Variants in PBX1 observed in about 807,000 individuals in gnomAD.
The protein encoded by PBX1 is PBX homeobox 1.
Under a neutral mutation model 53.4 loss-of-function variants are expected in PBX1, and 6 were observed. The ratio of observed to expected loss-of-function variants is 0.11; its 90% CI spans 0.06 to 0.22. The LOEUF (loss-of-function observed/expected upper bound fraction) is 0.22. Ranked by LOEUF, PBX1 falls within the 10% of genes least tolerant of loss-of-function variation. The pLI is 1.00. For synonymous variants in PBX1, 204 were observed against 212.3 expected, an observed-to-expected ratio of 0.96 and a Z score of 0.34; for missense variants, 251 against 551.4, an observed-to-expected ratio of 0.46 and a Z score of 5.46.
intron 3 of PBX1, among the ~76,000 whole-genome samples, chr1:164,798,404 C>T (rs951829680): frequency 2.0e-5 from 3 of 152,168 alleles, no homozygotes; most frequent in Non-Finnish European, 4.4e-5. Flanking sequence ...TACAGTATTG[C>T]TTTGAGTGAA....
chr1:164,646,951 C>T (rs895946960), intron 2 of PBX1, among the ~76,000 whole-genome samples: 1 of 152,206 alleles, frequency 6.6e-6, no homozygotes, highest in African/African-American at 2.4e-5. Flanking sequence ...GTCTGGTCTG[C>T]AGGGCATGGC....
intron 2 of PBX1, among the ~76,000 whole-genome samples, chr1:164,755,975 A>G (rs1666494135): frequency 6.8e-6 from 1 of 146,312 alleles, no homozygotes; most frequent in South Asian, 2.2e-4. Flanking sequence ...GCAAGTTAAC[A>G]TTCATTGTAA....
chr1:164,634,109 C>A (rs553171257), intron 2 of PBX1, among the ~76,000 whole-genome samples: 27 of 152,304 alleles, frequency 1.8e-4, no homozygotes, highest in African/African-American at 6.0e-4. Flanking sequence ...TTAGTGCCAG[C>A]TTTGTCTTCT....
chr1:164,616,572 A>C (rs1364737275), intron 2 of PBX1, among the ~76,000 whole-genome samples: 1 of 152,188 alleles, frequency 6.6e-6, no homozygotes, highest in Non-Finnish European at 1.5e-5. Flanking sequence ...AATTTTTCTC[A>C]AGGACAAAAA....
intron 2 of PBX1, among the ~76,000 whole-genome samples, chr1:164,609,211 C>T (rs1656746089): frequency 6.6e-6 from 1 of 151,742 alleles, no homozygotes; most frequent in South Asian, 2.1e-4. Flanking sequence ...GTACAGGAAA[C>T]TTCTCTTAAC....
intron 2 of PBX1, among the ~76,000 whole-genome samples, chr1:164,604,012 C>T (rs1656385543): frequency 1.5e-5 from 2 of 135,336 alleles, no homozygotes. Flanking sequence ...ACGATCACGG[C>T]TCACTGCAGC....
At chr1:164,737,359 TC>T (rs1363133809) in intron 2 of PBX1, among the ~76,000 whole-genome samples, 1 of 152,246 alleles carries the variant, frequency 6.6e-6, no homozygotes, top group Non-Finnish European at 1.5e-5. Flanking sequence ...AGTATTGATA[TC>T]CATTGTTTTT....
intron 2 of PBX1, among the ~76,000 whole-genome samples, chr1:164,717,015 G>A (rs542908026): frequency 6.6e-5 from 10 of 152,242 alleles, no homozygotes; most frequent in African/African-American, 1.2e-4. Context: ...AAATGGGCAC[G>A]GTTGAAGTCA....
In PBX1 at chr1:164,821,460, C is replaced by T. The variant is rs923408930; in HGVS notation, c.1111-77C>T. 1.5e-5 allele frequency: 16 copies of T among 1,089,582 alleles called. No homozygotes were observed. In the Admixed American group the frequency reaches 2.7e-4, roughly 18 times the overall value. The allele number at this position is 1,089,582 out of a possible 1,614,324, so 67.5% of individuals were successfully genotyped here. The stretch of plus-strand genomic sequence containing the variant: ...TAATATGGCATGCCCAAATGGTGGC[C>T]TGCCTGATGATGATCTGCCTCCCTT... On this transcript the variant is annotated intron_variant, in intron 7 of 8. Coordinates refer to ENST00000420696, the MANE Select transcript of PBX1 (RefSeq NM_002585.4).
intron 2 of PBX1, chr1:164,642,209 G>C (rs1279180465): frequency 6.6e-6 from 1 of 152,140 alleles, no homozygotes; most frequent in Non-Finnish European, 1.5e-5. Context: ...CCTGCAGTTT[G>C]TTGTGACCCC....
intron 2 of PBX1, among the ~76,000 whole-genome samples, chr1:164,611,630 G>A (rs373418225): frequency 1.3e-5 from 2 of 149,098 alleles, no homozygotes. Flanking sequence ...CCTTGGTTAG[G>A]AAAAAAAAAA....
chr1:164,711,066 T>C (rs1415059037), intron 2 of PBX1, among the ~76,000 whole-genome samples: 1 of 152,124 alleles, frequency 6.6e-6, no homozygotes, highest in Non-Finnish European at 1.5e-5. Flanking sequence ...CCCTTTCTCT[T>C]TTTTTCTTCT....
chr1:164,696,123 T>C (rs958619752), intron 2 of PBX1, among the ~76,000 whole-genome samples: 4 of 152,160 alleles, frequency 2.6e-5, no homozygotes, highest in African/African-American at 9.7e-5. Flanking sequence ...GAAATTAGAT[T>C]GAAGGACTTC....
At chr1:164,866,954 C>T (rs1200842045) in intron 2 of PBX1, among the ~76,000 whole-genome samples, 2 of 152,124 alleles carry the variant, frequency 1.3e-5, no homozygotes, top group African/African-American at 4.8e-5. Flanking sequence ...TGGTTTTCAG[C>T]AAGAGAAACT....
chr1:164,579,792 T>C (rs1207997694), intron 2 of PBX1, among the ~76,000 whole-genome samples: 1 of 152,190 alleles, frequency 6.6e-6, no homozygotes, highest in Admixed American at 6.5e-5. Context: ...TTTCATACTT[T>C]CCTGTATGAA....
intron 2 of PBX1, among the ~76,000 whole-genome samples, chr1:164,588,121 A>G (rs572328997): frequency 6.6e-6 from 1 of 152,308 alleles, no homozygotes; most frequent in Non-Finnish European, 1.5e-5. Flanking sequence ...GAATGAAGCA[A>G]GGATACCCAT....
intron 2 of PBX1, among the ~76,000 whole-genome samples, chr1:164,678,573 C>T (rs1661571834): frequency 6.6e-6 from 1 of 152,224 alleles, no homozygotes; most frequent in African/African-American, 2.4e-5. Flanking sequence ...GGGAACCAGT[C>T]ATCCAGCTGC....
chr1:164,590,322 A>G (rs1175876328), intron 2 of PBX1: 2 of 455,600 alleles, frequency 4.4e-6, no homozygotes, highest in Admixed American at 4.7e-5. Flanking sequence ...TCCCAGCCTC[A>G]TTAGGAGCTA....
intron 2 of PBX1, among the ~76,000 whole-genome samples, chr1:164,760,855 C>A (rs987149670): frequency 6.6e-6 from 1 of 152,188 alleles, no homozygotes; most frequent in Admixed American, 6.5e-5. Flanking sequence ...CTCAAACTGC[C>A]TCTTTTTCAC....
Sources: gnomAD v4.1 joint callset for allele counts (sites outside exome capture counted in the v4.1 genomes callset) on GRCh38, gnomAD v4.1.1 for gene constraint, MANE v1.5 for transcripts, NCBI Gene and HGNC (gene_info 2026-07-23, HGNC 2026-07-21) for gene names.